VPS52: variants seen among roughly 807,000 people sequenced by gnomAD.
The protein encoded by VPS52 is vacuolar protein sorting-associated protein 52 homolog.
VPS52 carries 56 observed loss-of-function variants against 98.7 expected under a neutral mutation model. The observed-to-expected ratio is 0.57, with a 90% CI of 0.46 to 0.71. The LOEUF (loss-of-function observed/expected upper bound fraction) is 0.71. VPS52 is among the 30% of genes least tolerant of loss of function. The pLI is 0.00. For missense variants in VPS52, 742 were observed against 925.9 expected, an observed-to-expected ratio of 0.80 and a Z score of 2.58; for synonymous variants, 348 against 346.4, an observed-to-expected ratio of 1.00 and a Z score of -0.05.
At chr6:33,264,955 T>A (rs1399054128) in intron 12 of VPS52, 55 bp from the exon 13 acceptor site, 1 of 1,449,204 alleles carries the variant, frequency 6.9e-7, no homozygotes, top group African/African-American at 1.4e-5. Flanking sequence ...TTTGTTGTCC[T>A]CAGTGACTAT....
chr6:33,257,388 A>G (rs1472330294), intron 17 of VPS52, among the ~76,000 whole-genome samples: 3 of 151,494 alleles, frequency 2.0e-5, no homozygotes, highest in Non-Finnish European at 2.9e-5. Context: ...CTGGCCTTGG[A>G]GTAATAAGGA....
At position 33,271,635 on chromosome 6, in the gene VPS52, A is replaced by C. The variant is rs755656067; in HGVS notation, c.41T>G (p.Leu14Arg). ...ATCTGAGGTCCCAGCCCGCAACACC[A>C]GTTCCCGGGCCGCAGCCGCCATGGT... ...AATMAAAARE[L>R]VLRAGTSDME... The change falls in exon 1 of 20, where the codon CTG (leucine) becomes CGG (arginine). Residue 14 changes from leucine to arginine, a missense_variant. Coordinates refer to ENST00000445902, the MANE Select transcript of VPS52 (RefSeq NM_022553.6). 4.3e-6 allele frequency: 7 copies of C among 1,611,242 alleles called. No individual in the cohort carries two copies. Among genetic ancestry groups the C allele is most frequent in the Non-Finnish European group, 5.9e-6 (7 of 1,178,646 alleles).
At chr6:33,270,132 C>CT (rs1764826755) in intron 2 of VPS52, 67 bp downstream of exon 2, 1 of 1,612,686 alleles carries the variant, frequency 6.2e-7, no homozygotes, top group Non-Finnish European at 8.5e-7. Flanking sequence ...CAATCCCTAC[C>CT]TTATTCCTTC....
intron 12 of VPS52, among the ~76,000 whole-genome samples, chr6:33,266,078 T>C (rs1207373034): frequency 6.6e-6 from 1 of 151,596 alleles, no homozygotes; most frequent in Non-Finnish European, 1.5e-5. Context: ...GTCAGGCTGG[T>C]CTCAAACTCC....
intron 1 of VPS52, 23 bp from the exon 2 acceptor site, chr6:33,270,306 G>A: frequency 6.3e-7 from 1 of 1,595,496 alleles, no homozygotes; most frequent in East Asian, 2.3e-5. Context: ...AAGTTAATGG[G>A]AGTAGGGTAC....
At position 33,271,854 on chromosome 6, in the gene VPS52, T is replaced by C. The variant is rs1444945992; in HGVS notation, c.-179A>G. On this transcript the variant is annotated 5_prime_UTR_variant, in exon 1 of 20. The change creates a new upstream start codon in the 5' untranslated region. Coordinates refer to ENST00000445902, the MANE Select transcript of VPS52 (RefSeq NM_022553.6). ...CACTTCACCCAACTGCAAATGGAAA[T>C]ATGGAAGTCTGAAACACAAACTAGC... The C allele has an allele frequency of 2.2e-6, 3 of 1,351,016 alleles. No homozygotes were observed. Among genetic ancestry groups the C allele is most frequent in the Non-Finnish European group, 2.0e-6 (2 of 1,018,674 alleles). 83.7% of individuals were successfully genotyped at this position (1,351,016 alleles called of 1,614,324 possible).
chr6:33,258,449 ACCCTC>A (rs1763255963), intron 17 of VPS52, among the ~76,000 whole-genome samples: 1 of 136,254 alleles, frequency 7.3e-6, no homozygotes. Flanking sequence ...ACACAGAAAG[ACCCTC>A]ATCTCACCAA....
chr6:33,271,605 T>G lies in VPS52; in HGVS notation c.71A>C (p.Glu24Ala). 6.2e-7 allele frequency: 1 copy of G among 1,610,692 alleles called. No individual in the cohort carries two copies. The highest frequency in any genetic ancestry group is 8.5e-7 in the Non-Finnish European group (1 of 1,178,786). Residue 24 changes from glutamate (E) to alanine (A), a missense_variant, in exon 1 of 20, where the codon GAG becomes GCG. By Grantham distance (107) the Glu-to-Ala change is moderately radical. Transcript: ENST00000445902. ...TCTCACCAGCGGGCCCTCTTCCTCC[T>G]CCATATCTGAGGTCCCAGCCCGCAA... Reference protein sequence around the residue: ...LVLRAGTSDMEEEEGPLAGGP... With the variant: ...LVLRAGTSDMAEEEGPLAGGP...
At chr6:33,254,941 G>T (rs1264914235) in intron 17 of VPS52, 1 of 152,050 alleles carries the variant, frequency 6.6e-6, no homozygotes, top group African/African-American at 2.4e-5. Flanking sequence ...CCTGTGCTGG[G>T]ATTACAGGTG....
rs1764495374 is a variant in VPS52, at chr6:33,267,627, CG to C, written c.991+54del. On this transcript the variant is annotated intron_variant, in intron 10 of 19. Coordinates refer to ENST00000445902, the MANE Select transcript of VPS52 (RefSeq NM_022553.6). This position sits in a 1 kb window ranked among gnomAD's most constrained non-coding sequence, Gnocchi z 4.2. Reference sequence around the variant, plus strand: ...GGAGCAGTGCATTGGTGGCTGGAGTCGAAAGTCCTCCCACTCTCAAGGCCTG... The same window carrying C: ...GGAGCAGTGCATTGGTGGCTGGAGTCAAAGTCCTCCCACTCTCAAGGCCTG... 6.2e-7 allele frequency: 1 copy of C among 1,600,544 alleles called. No individual in the cohort carries two copies. Among genetic ancestry groups the C allele is most frequent in the Admixed American group, 1.7e-5 (1 of 59,458 alleles).
rs376574608 is a variant in VPS52 at position 33,258,716 on chromosome 6, C to T, written c.1794+4768G>A. Among the ~76,000 whole-genome samples the T allele has an allele frequency of 1.5e-4, 23 of 152,260 alleles. 1 individual carries two copies. The South Asian group carries it at 1.7e-3, about 11-fold the overall frequency. The stretch of plus-strand genomic sequence containing the variant: ...CTGAGGAGCTGGGACTACAGGCATG[C>T]GCCACTATGCCTGGTTAATTTTTGT... On this transcript the variant is annotated intron_variant, in intron 17 of 19. Coordinates refer to ENST00000445902, the MANE Select transcript of VPS52 (RefSeq NM_022553.6).
At chr6:33,256,463 CAAAAAAAAAAAAAA>C (rs9280385) in intron 17 of VPS52, among the ~76,000 whole-genome samples, 449 of 83,520 alleles carry the variant, frequency 5.4e-3, no homozygotes, top group African/African-American at 0.022. Flanking sequence ...AAACCTGTCT[CAAAAAAAAAAAAAA>C]AAAAAAAAAA....
At position 33,264,914 on chromosome 6, in the gene VPS52, GAACA is replaced by G; in HGVS notation, c.1282-18_1282-15del. 4 of 1,589,342 alleles carry G rather than the reference GAACA, an allele frequency of 2.5e-6. No individual in the cohort carries two copies. Among genetic ancestry groups the G allele is most frequent in the South Asian group, 1.1e-5 (1 of 90,568 alleles). On this transcript the variant is annotated splice_polypyrimidine_tract_variant and intron_variant, in intron 12 of 19. Coordinates refer to ENST00000445902, the MANE Select transcript of VPS52 (RefSeq NM_022553.6). ...ATCCAGGTGTTTCTGTGTGATTGGG[GAACA>G]AACAGAGGATTAAAAGAGAATGTCA... is the stretch of plus-strand genomic sequence containing the variant.
At chr6:33,251,767 A>C in intron 18 of VPS52, 93 bp downstream of exon 18, 1 of 1,444,700 alleles carries the variant, frequency 6.9e-7, no homozygotes. Flanking sequence ...AGTCTTTCAT[A>C]CTCTATTCCC....
intron 16 of VPS52, 70 bp downstream of exon 16, chr6:33,263,702 A>G: frequency 6.3e-7 from 1 of 1,594,728 alleles, no homozygotes; most frequent in Non-Finnish European, 8.6e-7. Flanking sequence ...CTCTGCCCTC[A>G]CAGAGCTAAC....
At chr6:33,264,927 A>T in intron 12 of VPS52, 27 bp from the exon 13 acceptor site, 1 of 1,571,996 alleles carries the variant, frequency 6.4e-7, no homozygotes, top group Non-Finnish European at 8.8e-7. Flanking sequence ...CAAACAGAGG[A>T]TTAAAAGAGA....
Position 33,269,792 on chromosome 6 carries a change from G to C in VPS52, c.256C>G (p.Gln86Glu), listed in dbSNP as rs755567741. ...TGVDLRHYSKQVELELQQIEQ... is the reference protein window; with the variant it reads ...TGVDLRHYSKEVELELQQIEQ... ...ATCTGCTGTAGCTCCAGCTCAACTT[G>C]CTTTGAATAGTGACGGAGATCTACA... Residue 86 changes from glutamine to glutamate, a missense_variant, in exon 4 of 20, where the codon CAA (glutamine) becomes GAA (glutamate). Transcript: ENST00000445902. The C allele has an allele frequency of 1.4e-6, 2 of 1,402,518 alleles. No individual in the cohort carries two copies. Among genetic ancestry groups the C allele is most frequent in the Admixed American group, 4.4e-5 (2 of 44,944 alleles). The allele number at this position is 1,402,518 out of a possible 1,614,324, so 86.9% of individuals were successfully genotyped here.
Position 33,269,015 on chromosome 6 carries a change from T to G in VPS52, c.547A>C (p.Thr183Pro), listed in dbSNP as rs761079244. The stretch of plus-strand genomic sequence containing the variant: ...TAACCCTTCAAACTGGTAACTCACG[T>G]GACCAGAGCAGAAGGCACCACCAGA... The part of the protein sequence containing the change: ...DGLVVPSALV[T>P]AILEAPVTEP... The change falls in exon 6 of 20, where the codon ACG becomes CCG. Residue 183 changes from threonine to proline, a missense_variant and splice_region_variant. Coordinates refer to ENST00000445902, the MANE Select transcript of VPS52 (RefSeq NM_022553.6). The G allele has an allele frequency of 2.5e-6, 4 of 1,611,902 alleles. No individual in the cohort carries two copies. In the Admixed American group the frequency reaches 5.0e-5, roughly 20 times the overall value.
chr6:33,255,281 C>T (rs1762791737), intron 17 of VPS52, among the ~76,000 whole-genome samples: 1 of 152,006 alleles, frequency 6.6e-6, no homozygotes, highest in Non-Finnish European at 1.5e-5. Context: ...CCAAAAAGGA[C>T]CAGAAGCATT....
Sources: gnomAD v4.1 joint callset for allele counts (sites outside exome capture counted in the v4.1 genomes callset) on GRCh38, gnomAD v4.1.1 for gene constraint, Gnocchi (gnomAD v3.1) non-coding constraint, MANE v1.5 for transcripts, NCBI Gene and HGNC (gene_info 2026-07-23, HGNC 2026-07-21) for gene names.